MYL4: variants seen among roughly 807,000 people sequenced by gnomAD.
MYL4 encodes myosin light chain 4.
Under a neutral mutation model 21.6 loss-of-function variants are expected in MYL4, and 16 were observed. That is an observed-to-expected ratio of 0.74 (90% CI 0.50 to 1.12). The LOEUF (loss-of-function observed/expected upper bound fraction) is 1.12. Among genes scored for constraint, MYL4 ranks in the 50% most tolerant of loss-of-function variants. MYL4 has a pLI of 0.00. For missense variants in MYL4, 249 were observed against 252.9 expected (o/e 0.98, Z 0.11); for synonymous variants, 82 against 95.7 (o/e 0.86, Z 0.83).
chr17:47,213,719 T>C, intron 1 of MYL4, 80 bp from the exon 2 acceptor site: 1 of 1,445,186 alleles, frequency 6.9e-7, no homozygotes, highest in Non-Finnish European at 9.6e-7. Flanking sequence ...GGAAGCCACT[T>C]CTGCTTCTAC....
downstream of MYL4, among the ~76,000 whole-genome samples, chr17:47,225,495 C>T (rs1477210610): frequency 6.6e-6 from 1 of 152,200 alleles, no homozygotes; most frequent in Non-Finnish European, 1.5e-5. Flanking sequence ...TGGGTTCAGG[C>T]TTCTTGGAGC....
chr17:47,221,831 C>T lies in MYL4; in HGVS notation c.463C>T (p.Leu155Phe). The T allele has an allele frequency of 6.2e-7, 1 of 1,613,768 alleles. No homozygotes were observed. The highest frequency in any genetic ancestry group is 8.5e-7 in the Non-Finnish European group (1 of 1,179,804). ...ESNGTVMGAE[L>F]RHVLATLGEK... Reference sequence around the variant, plus strand: ...CAATGGCACGGTCATGGGTGCTGAGCTTCGGCACGTCCTTGCCACCCTGGG... The same window carrying T: ...CAATGGCACGGTCATGGGTGCTGAGTTTCGGCACGTCCTTGCCACCCTGGG... The change falls in exon 4 of 7, where the codon CTT becomes TTT. Residue 155 changes from leucine to phenylalanine, a missense_variant. Transcript: ENST00000393450.
At chr17:47,214,141 A>C (rs1234435119) in intron 2 of MYL4, among the ~76,000 whole-genome samples, 1 of 152,212 alleles carries the variant, frequency 6.6e-6, no homozygotes, top group Non-Finnish European at 1.5e-5. Context: ...TAGAGCTAAG[A>C]TTCAAACTCA....
At chr17:47,205,007 T>C (rs2064722303), upstream of MYL4, among the ~76,000 whole-genome samples, 1 of 152,192 alleles carries the variant, frequency 6.6e-6, no homozygotes, top group Non-Finnish European at 1.5e-5. Flanking sequence ...GAGACTCTAA[T>C]GGACCTCTCT....
chr17:47,219,965 C>T lies in MYL4; in HGVS notation c.225C>T (p.Tyr75=), dbSNP rs372355856. ...CGACTGGAGAGATGAAGATCACCTA[C>T]GGCCAGTGCGGGGATGTACTGCGGG... ...RTPTGEMKIT[Y]GQCGDVLRAL... The change falls in exon 3 of 7, where the codon TAC becomes TAT. Residue 75 remains tyrosine (Y), a synonymous_variant. Coordinates refer to ENST00000393450, the MANE Select transcript of MYL4 (RefSeq NM_002476.2). The T allele has an allele frequency of 1.5e-5, 24 of 1,614,088 alleles. No homozygotes were observed. The highest frequency in any genetic ancestry group is 8.0e-5 in the African/African-American group (6 of 74,940).
At chr17:47,220,233 G>A (rs145331047) in intron 3 of MYL4, among the ~76,000 whole-genome samples, 180 bp downstream of exon 3, 230 of 152,336 alleles carry the variant, frequency 1.5e-3, no homozygotes, top group African/African-American at 4.9e-3. Flanking sequence ...AGACGTCCCC[G>A]TACTTAAGTG....
At chr17:47,197,813 T>G (rs1275052072), upstream of MYL4, among the ~76,000 whole-genome samples, 2 of 152,230 alleles carry the variant, frequency 1.3e-5, no homozygotes, top group African/African-American at 2.4e-5. Context: ...GTGTATTAAA[T>G]GCATTTTTGA....
At chr17:47,199,316 AC>A (rs35046384), upstream of MYL4, among the ~76,000 whole-genome samples, 88,052 of 143,412 alleles carry the variant, frequency 0.61, 27,061 homozygotes, top group East Asian at 0.81. Flanking sequence ...AAAAAAAAAA[AC>A]CCCAGAAAAA....
the MYL4 span, among the ~76,000 whole-genome samples, chr17:47,191,466 T>A: frequency 1.3e-5 from 2 of 152,188 alleles, no homozygotes; most frequent in African/African-American, 2.4e-5. Flanking sequence ...GGACTACAGT[T>A]GTATTTACAT....
rs114196096 is a variant in MYL4 at position 47,222,974 on chromosome 17, C to T, written c.566-40C>T. 2.9e-3 allele frequency: 4,684 copies of T among 1,613,412 alleles called. 120 individuals are homozygous for T. The African/African-American group carries it at 0.055, about 19-fold the overall frequency. On this transcript the variant is annotated intron_variant, in intron 5 of 6. Coordinates refer to ENST00000393450, the MANE Select transcript of MYL4 (RefSeq NM_002476.2). ...GACAAGTGGTTTATGGGCCTAGAGGCGCTGAGCCACATGGTGGCTGATTTT... is the reference window on the plus strand; with the variant it reads ...GACAAGTGGTTTATGGGCCTAGAGGTGCTGAGCCACATGGTGGCTGATTTT...
chr17:47,191,056 A>C, the MYL4 span, among the ~76,000 whole-genome samples: 2 of 152,232 alleles, frequency 1.3e-5, no homozygotes, highest in African/African-American at 4.8e-5. Flanking sequence ...GTTTAGCTCC[A>C]GCTTCTTGAC....
At chr17:47,197,589 G>A (rs1310433995), upstream of MYL4, among the ~76,000 whole-genome samples, 1 of 152,178 alleles carries the variant, frequency 6.6e-6, no homozygotes, top group Non-Finnish European at 1.5e-5. Flanking sequence ...TTATGATGGT[G>A]TAGAAGCAAT....
the MYL4 span, among the ~76,000 whole-genome samples, chr17:47,192,661 A>G: frequency 6.6e-6 from 1 of 151,818 alleles, no homozygotes; most frequent in Non-Finnish European, 1.5e-5. Flanking sequence ...AAAAAAAAAA[A>G]GCATCTCCTT....
At chr17:47,207,091 T>C (rs955575600), upstream of MYL4, among the ~76,000 whole-genome samples, 3 of 151,962 alleles carry the variant, frequency 2.0e-5, no homozygotes, top group African/African-American at 4.8e-5. Flanking sequence ...AGGCAGAAGA[T>C]GAGGGGAGGA....
chr17:47,219,184 C>A (rs1422798992), intron 2 of MYL4, among the ~76,000 whole-genome samples: 1 of 152,240 alleles, frequency 6.6e-6, no homozygotes, highest in Non-Finnish European at 1.5e-5. Context: ...CGCCTTTCAG[C>A]CTGGAACAGG....
At chr17:47,197,009 T>G (rs2064691157), upstream of MYL4, among the ~76,000 whole-genome samples, 1 of 151,952 alleles carries the variant, frequency 6.6e-6, no homozygotes. Flanking sequence ...TTCATCTCAC[T>G]GATCTAAACA....
chr17:47,214,477 C>T (rs931410207), intron 2 of MYL4, among the ~76,000 whole-genome samples: 18 of 152,206 alleles, frequency 1.2e-4, no homozygotes, highest in East Asian at 1.2e-3. Flanking sequence ...CTCCACCAAA[C>T]GCCTCTAGGA....
At chr17:47,189,631 C>G in the MYL4 span, among the ~76,000 whole-genome samples, 1 of 152,356 alleles carries the variant, frequency 6.6e-6, no homozygotes, top group African/African-American at 2.4e-5. Flanking sequence ...GGATTAGCCC[C>G]TCAGCCCTTT....
the MYL4 span, among the ~76,000 whole-genome samples, chr17:47,192,077 G>A: frequency 6.6e-6 from 1 of 152,164 alleles, no homozygotes; most frequent in East Asian, 1.9e-4. Context: ...TTTCCTGGCT[G>A]GGTGAGGTGG....
Sources: allele counts gnomAD v4.1 joint callset (sites outside exome capture counted in the v4.1 genomes callset), GRCh38; gene constraint gnomAD v4.1.1; transcripts MANE v1.5; gene names NCBI Gene and HGNC (gene_info 2026-07-23, HGNC 2026-07-21).